C1orf167: variants seen among roughly 807,000 people sequenced by gnomAD.
C1orf167 encodes uncharacterized protein C1orf167.
Under a neutral mutation model 176.5 loss-of-function variants are expected in C1orf167, and 153 were observed. The observed-to-expected ratio is 0.87, with a 90% CI of 0.76 to 0.99. The LOEUF (loss-of-function observed/expected upper bound fraction) is 0.99. C1orf167 is among the 50% of genes least tolerant of loss of function. The probability of loss-of-function intolerance (pLI) is 0.00; values close to 1 mark genes in which losing one functional copy is unlikely to be tolerated. For synonymous variants in C1orf167, 594 were observed against 752.7 expected (o/e 0.79, Z 3.45); for missense variants, 1,490 against 1,817.7 (o/e 0.82, Z 3.28).
Position 11,784,317 on chromosome 1 carries a change from C to A in C1orf167, c.3149C>A (p.Ala1050Glu). 7.7e-7 allele frequency: 1 copy of A among 1,303,718 alleles called. No homozygotes were observed. The highest frequency in any genetic ancestry group is 1.5e-5 in the African/African-American group (1 of 66,018). The allele number at this position is 1,303,718 out of a possible 1,614,324, so 80.8% of individuals were successfully genotyped here. ...WREAQEVAAG[A>E]QEQRVAQASL... Reference sequence around the variant, plus strand: ...GAAGCCCAGGAAGTGGCAGCCGGGGCACAGGAGCAGCGTGTGGCCCAGGCC... The same window carrying A: ...GAAGCCCAGGAAGTGGCAGCCGGGGAACAGGAGCAGCGTGTGGCCCAGGCC... Residue 1050 changes from alanine to glutamate, a missense_variant, in exon 15 of 21, where the codon GCA becomes GAA. Coordinates refer to ENST00000688073, the MANE Select transcript of C1orf167 (RefSeq NM_001010881.2).
intron 1 of C1orf167, among the ~76,000 whole-genome samples, chr1:11,763,285 A>G (rs1570365584): frequency 6.6e-6 from 1 of 152,258 alleles, no homozygotes; most frequent in Non-Finnish European, 1.5e-5. Context: ...ACCAAAAAAT[A>G]GAAAAATTAG....
chr1:11,779,280 C>G, intron 12 of C1orf167, 200 bp downstream of exon 12: 1 of 328,434 alleles, frequency 3.0e-6, no homozygotes, highest in Non-Finnish European at 5.1e-6. Context: ...CACTGTTCCT[C>G]TTGGAGATTT....
At chr1:11,787,274 G>T in intron 16 of C1orf167, 114 bp from the exon 17 acceptor site, 1 of 430,400 alleles carries the variant, frequency 2.3e-6, no homozygotes, top group Non-Finnish European at 3.5e-6. Flanking sequence ...TGGGGGAATG[G>T]GTGGAAGAGG....
Position 11,788,332 on chromosome 1 carries a change from A to T in C1orf167, c.4032A>T (p.Ala1344=). 7.7e-7 allele frequency: 1 copy of T among 1,301,490 alleles called. No homozygotes were observed. Among genetic ancestry groups the T allele is most frequent in the Non-Finnish European group, 1.0e-6 (1 of 987,274 alleles). The allele number at this position is 1,301,490 out of a possible 1,614,324, so 80.6% of individuals were successfully genotyped here. Reference sequence around the variant, plus strand: ...GCCAGGTGCCTGGCAGTGGCATGGCAGCACTGGGTGGATGCCCAAGGGGCA... The same window carrying T: ...GCCAGGTGCCTGGCAGTGGCATGGCTGCACTGGGTGGATGCCCAAGGGGCA... The part of the protein sequence containing the change: ...PAGQVPGSGM[A]ALGGCPRGRA... The change falls in exon 19 of 21, where the codon GCA becomes GCT. Residue 1344 remains alanine (A), a synonymous_variant. Coordinates refer to ENST00000688073, the MANE Select transcript of C1orf167 (RefSeq NM_001010881.2).
rs1407011294 is a variant in C1orf167, at chr1:11,771,654, G to T, written c.1810+18G>T. The T allele has an allele frequency of 7.8e-7, 1 of 1,286,206 alleles. No homozygotes were observed. The highest frequency in any genetic ancestry group is 1.0e-6 in the Non-Finnish European group (1 of 985,618). The allele number at this position is 1,286,206 out of a possible 1,614,324, so 79.7% of individuals were successfully genotyped here. On this transcript the variant is annotated intron_variant, in intron 7 of 20. Coordinates refer to ENST00000688073, the MANE Select transcript of C1orf167 (RefSeq NM_001010881.2). ...ACTGGCTGGTGAGACGTGGGGTGCTGGGAAAGCGGGGAGATGGAGCCTGGC... is the reference window on the plus strand; with the variant it reads ...ACTGGCTGGTGAGACGTGGGGTGCTTGGAAAGCGGGGAGATGGAGCCTGGC...
intron 2 of C1orf167, among the ~76,000 whole-genome samples, chr1:11,765,053 CAAAAAAA>C (rs376686533): frequency 1.5e-4 from 10 of 67,460 alleles, no homozygotes; most frequent in African/African-American, 5.8e-4. Context: ...GACTCTGTCT[CAAAAAAA>C]AAAAAAAAAA....
Position 11,789,532 on chromosome 1 carries a change from G to C in C1orf167, c.*86G>C, listed in dbSNP as rs1439747651. 2 of 1,182,550 alleles carry C rather than the reference G, an allele frequency of 1.7e-6. No individual in the cohort carries two copies. The highest frequency in any genetic ancestry group is 5.8e-5 in the East Asian group (1 of 17,310). 73.3% of individuals were successfully genotyped at this position (1,182,550 alleles called of 1,614,324 possible). A position where few individuals can be genotyped will look rare whatever the true frequency, so the allele number is the denominator to read the frequency against. On this transcript the variant is annotated 3_prime_UTR_variant, in exon 21 of 21. Transcript: ENST00000688073. ...CCCACACATCCAGGGAGTGATGACA[G>C]AGGGGACAGCTTGAAGAGCTCTGAA... is the stretch of plus-strand genomic sequence containing the variant.
chr1:11,776,410 G>A, intron 9 of C1orf167, 54 bp from the exon 10 acceptor site: 10 of 1,270,170 alleles, frequency 7.9e-6, no homozygotes, highest in Non-Finnish European at 1.0e-5. Context: ...AATGGCTGTG[G>A]GCAGAGTGAG....
At chr1:11,767,666 A>G (rs1209924869) in intron 4 of C1orf167, among the ~76,000 whole-genome samples, 5 of 151,978 alleles carry the variant, frequency 3.3e-5, no homozygotes, top group Admixed American at 2.0e-4. Context: ...CTACAAAAAA[A>G]ATTACAAAAA....
rs1194936727 is a variant in C1orf167, at chr1:11,788,171, G to A, written c.3871G>A (p.Glu1291Lys). The change falls in exon 19 of 21, where the codon GAA becomes AAA. Residue 1291 changes from glutamate to lysine, a missense_variant. Coordinates refer to ENST00000688073, the MANE Select transcript of C1orf167 (RefSeq NM_001010881.2). ...RLRARSCRILEKQAQAHGSAL... is the reference protein window; with the variant it reads ...RLRARSCRILKKQAQAHGSAL... ...CAGTGCTCGTTCCTGCAGGATCCTG[G>A]AAAAGCAGGCCCAGGCCCATGGCTC... 4 of 1,290,608 alleles carry A rather than the reference G, an allele frequency of 3.1e-6. No homozygotes were observed. The East Asian group carries it at 1.7e-4, about 55-fold the overall frequency. 79.9% of individuals were successfully genotyped at this position (1,290,608 alleles called of 1,614,324 possible).
At chr1:11,786,107 T>C (rs1643860625) in intron 16 of C1orf167, 1 of 150,716 alleles carries the variant, frequency 6.6e-6, no homozygotes, top group Non-Finnish European at 1.5e-5. Flanking sequence ...AGTAGAAAAA[T>C]ACCAAAATTT....
At chr1:11,765,815 A>G in intron 2 of C1orf167, 42 bp from the exon 3 acceptor site, 1 of 1,179,446 alleles carries the variant, frequency 8.5e-7, no homozygotes, top group Non-Finnish European at 1.1e-6. Flanking sequence ...GTCCCACCTG[A>G]GTGCCAGCCA....
chr1:11,771,521 T>C lies in C1orf167; in HGVS notation c.1698-3T>C. On this transcript the variant is annotated splice_polypyrimidine_tract_variant and splice_region_variant and intron_variant, in intron 6 of 20. Coordinates refer to ENST00000688073, the MANE Select transcript of C1orf167 (RefSeq NM_001010881.2). ...GCTTCTCTCTGGGCAACTTTGCTTT[T>C]AGTCCAGGAAGTCTGAGGGAGGAGG... 7.8e-7 allele frequency: 1 copy of C among 1,289,426 alleles called. No individual in the cohort carries two copies. The highest frequency in any genetic ancestry group is 1.0e-6 in the Non-Finnish European group (1 of 988,558). The allele number at this position is 1,289,426 out of a possible 1,614,324, so 79.9% of individuals were successfully genotyped here. A position where few individuals can be genotyped will look rare whatever the true frequency, so the allele number is the denominator to read the frequency against.
rs555102130 is a variant in C1orf167, at chr1:11,787,862, C to T, written c.3674-11C>T. On this transcript the variant is annotated splice_polypyrimidine_tract_variant and intron_variant, in intron 17 of 20. Transcript: ENST00000688073. Reference sequence around the variant, plus strand: ...CACCTTAACCTCTTGTGACTCAACTCCCCTTTCCAGGGTGCAGGGAACATT... The same window carrying T: ...CACCTTAACCTCTTGTGACTCAACTTCCCTTTCCAGGGTGCAGGGAACATT... The T allele has an allele frequency of 2.1e-5, 25 of 1,209,980 alleles. No homozygotes were observed. In the East Asian group the frequency reaches 2.4e-4, roughly 11 times the overall value. 75.0% of individuals were successfully genotyped at this position (1,209,980 alleles called of 1,614,324 possible).
chr1:11,766,849 G>T lies in C1orf167; in HGVS notation c.1063G>T (p.Asp355Tyr). ...LPPAHPLGSG[D>Y]SCSPWSQDGR... ...TCCTGCCCACCCCCTAGGGTCAGGG[G>T]ACAGCTGCTCCCCCTGGTCTCAAGA... is the stretch of plus-strand genomic sequence containing the variant. Residue 355 changes from aspartate to tyrosine, a missense_variant, in exon 3 of 21, where the codon GAC becomes TAC. Coordinates refer to ENST00000688073, the MANE Select transcript of C1orf167 (RefSeq NM_001010881.2). The surrounding 1 kb of genome is among the most constrained non-coding windows in gnomAD (Gnocchi z 4.5). 2 of 1,283,700 alleles carry T rather than the reference G, an allele frequency of 1.6e-6. No individual in the cohort carries two copies. The highest frequency in any genetic ancestry group is 2.0e-6 in the Non-Finnish European group (2 of 984,914). The allele number at this position is 1,283,700 out of a possible 1,614,324, so 79.5% of individuals were successfully genotyped here. A position where few individuals can be genotyped will look rare whatever the true frequency, so the allele number is the denominator to read the frequency against.
chr1:11,768,853 A>T lies in C1orf167; in HGVS notation c.1543-120A>T. 1 of 667,240 alleles carries T rather than the reference A, an allele frequency of 1.5e-6. No individual in the cohort carries two copies. The highest frequency in any genetic ancestry group is 1.9e-6 in the Non-Finnish European group (1 of 539,204). The allele number at this position is 667,240 out of a possible 1,614,324, so 41.3% of individuals were successfully genotyped here. A position where few individuals can be genotyped will look rare whatever the true frequency, so the allele number is the denominator to read the frequency against. ...GGAATGAATAGGCAGAGTAATGGTT[A>T]AGACCACAGGCTGTGGAATCTGATA... On this transcript the variant is annotated intron_variant, in intron 5 of 20. Coordinates refer to ENST00000688073, the MANE Select transcript of C1orf167 (RefSeq NM_001010881.2). This position sits in a 1 kb window ranked among gnomAD's most constrained non-coding sequence, Gnocchi z 4.5.
intron 10 of C1orf167, chr1:11,777,524 G>A (rs148411205): frequency 0.046 from 6,964 of 151,966 alleles, 209 homozygotes; most frequent in Non-Finnish European, 0.057. Context: ...GGTGGTGCTC[G>A]CCTGTAATCC....
intron 10 of C1orf167, chr1:11,778,081 C>G (rs1356242868): frequency 6.6e-6 from 1 of 152,200 alleles, no homozygotes; most frequent in Non-Finnish European, 1.5e-5. Context: ...GCTGCTTGGG[C>G]TCCCAGCCAC....
chr1:11,782,752 C>T (rs972734038), intron 14 of C1orf167, among the ~76,000 whole-genome samples: 1 of 152,080 alleles, frequency 6.6e-6, no homozygotes, highest in Non-Finnish European at 1.5e-5. Context: ...GAAACCCCAT[C>T]TCTACTAAAA....
Sources: gnomAD v4.1 joint callset for allele counts (sites outside exome capture counted in the v4.1 genomes callset) on GRCh38, gnomAD v4.1.1 for gene constraint, Gnocchi (gnomAD v3.1) non-coding constraint, MANE v1.5 for transcripts, NCBI Gene and HGNC (gene_info 2026-07-23, HGNC 2026-07-21) for gene names.